CUL3: variants seen among roughly 807,000 people sequenced by gnomAD.
The protein encoded by CUL3 is cullin 3, also known as cullin-3.
Under a neutral mutation model 89.1 loss-of-function variants are expected in CUL3, and 19 were observed. The observed-to-expected ratio is 0.21, with a 90% CI of 0.15 to 0.31. The LOEUF (loss-of-function observed/expected upper bound fraction) is 0.31. Ranked by LOEUF, CUL3 falls within the 10% of genes least tolerant of loss-of-function variation. CUL3 has a pLI of 1.00. For missense variants in CUL3, 469 were observed against 942.3 expected (o/e 0.50, Z 6.58); for synonymous variants, 351 against 308.4 (o/e 1.14, Z -1.45).
At chr2:224,474,635 C>A in intron 15 of CUL3, 1 of 357,368 alleles carries the variant, frequency 2.8e-6, no homozygotes, top group East Asian at 5.0e-5. Flanking sequence ...GTAGTGTGAG[C>A]ATATGCCACC....
intron 3 of CUL3, among the ~76,000 whole-genome samples, chr2:224,527,432 C>A (rs952947012): frequency 6.6e-6 from 1 of 152,174 alleles, no homozygotes; most frequent in Admixed American, 6.6e-5. Context: ...AAATTCTCCA[C>A]GGTAGCTTTA....
intron 13 of CUL3, chr2:224,495,595 A>G: frequency 3.4e-6 from 1 of 295,922 alleles, no homozygotes; most frequent in South Asian, 7.1e-5. Context: ...AAACTCATCA[A>G]ATTGTCTACT....
At chr2:224,483,473 T>TA (rs1229531455) in intron 13 of CUL3, among the ~76,000 whole-genome samples, 5 of 152,170 alleles carry the variant, frequency 3.3e-5, no homozygotes, top group Admixed American at 3.3e-4. Context: ...ATCTTTCTAT[T>TA]AGAGTTAGGA....
chr2:224,585,186 G>A lies in CUL3; in HGVS notation c.-177C>T, dbSNP rs1695554260. The A allele has an allele frequency of 7.0e-6, 2 of 284,678 alleles. No homozygotes were observed. The highest frequency in any genetic ancestry group is 1.4e-4 in the South Asian group (1 of 7,186). The allele number at this position is 284,678 out of a possible 1,614,324, so 17.6% of individuals were successfully genotyped here. A position where few individuals can be genotyped will look rare whatever the true frequency, so the allele number is the denominator to read the frequency against. ...CCGCGGCGGCGGCGGGGGCGGCGGC[G>A]GCGGCGGCGGCGGCTCGGACTCTGG... On this transcript the variant is annotated 5_prime_UTR_variant, in exon 1 of 16. Coordinates refer to ENST00000264414, the MANE Select transcript of CUL3 (RefSeq NM_003590.5).
intron 3 of CUL3, among the ~76,000 whole-genome samples, chr2:224,529,324 A>C (rs1693599935): frequency 6.6e-6 from 1 of 152,172 alleles, no homozygotes; most frequent in African/African-American, 2.4e-5. Context: ...TTCTTTAATA[A>C]AAGAATGAAT....
chr2:224,517,808 T>G (rs528836629), intron 3 of CUL3, among the ~76,000 whole-genome samples: 152 of 152,318 alleles, frequency 1.0e-3, no homozygotes, highest in African/African-American at 3.5e-3. Context: ...GATTTTTTTT[T>G]ACTATTTTCA....
At chr2:224,487,046 C>T (rs1559340452) in intron 13 of CUL3, among the ~76,000 whole-genome samples, 1 of 152,238 alleles carries the variant, frequency 6.6e-6, no homozygotes, top group East Asian at 1.9e-4. Flanking sequence ...GAAATACAAT[C>T]CTTTACAGAC....
intron 2 of CUL3, among the ~76,000 whole-genome samples, chr2:224,536,875 C>T (rs928286201): frequency 6.6e-6 from 1 of 152,196 alleles, no homozygotes; most frequent in Non-Finnish European, 1.5e-5. Flanking sequence ...ACAAAGTCGT[C>T]GTGTGTTTGT....
intron 3 of CUL3, among the ~76,000 whole-genome samples, chr2:224,518,579 T>C (rs1465597244): frequency 3.3e-5 from 5 of 152,192 alleles, no homozygotes; most frequent in African/African-American, 1.2e-4. Context: ...AAACCTCTAA[T>C]AGTAAGAATA....
chr2:224,558,811 G>A (rs1012365931), intron 1 of CUL3, among the ~76,000 whole-genome samples: 4 of 152,244 alleles, frequency 2.6e-5, no homozygotes, highest in South Asian at 2.1e-4. Flanking sequence ...GGGAGGCCGA[G>A]GCGGGCGGAT....
intron 1 of CUL3, among the ~76,000 whole-genome samples, chr2:224,567,197 A>G (rs1695062279): frequency 6.6e-6 from 1 of 152,180 alleles, no homozygotes; most frequent in Admixed American, 6.5e-5. Flanking sequence ...GAAGATGATT[A>G]GTCACAAGGT....
In CUL3 at chr2:224,472,343, CAT is replaced by C. The variant is rs1422465389; in HGVS notation, c.*1900_*1901del. 1 of 210,520 alleles carries C rather than the reference CAT, an allele frequency of 4.8e-6. No individual in the cohort carries two copies. Among genetic ancestry groups the C allele is most frequent in the Non-Finnish European group, 9.6e-6 (1 of 103,818 alleles). 13.0% of individuals were successfully genotyped at this position (210,520 alleles called of 1,614,324 possible). A position where few individuals can be genotyped will look rare whatever the true frequency, so the allele number is the denominator to read the frequency against. On this transcript the variant is annotated 3_prime_UTR_variant, in exon 16 of 16. Coordinates refer to ENST00000264414, the MANE Select transcript of CUL3 (RefSeq NM_003590.5). ...TTTCAAATAAAGTTTTTACATCGCT[CAT>C]GTTTACTAACTCGACAATCTGAGCT...
intron 1 of CUL3, among the ~76,000 whole-genome samples, chr2:224,564,984 T>G (rs565651915): frequency 7.2e-5 from 11 of 152,342 alleles, no homozygotes; most frequent in African/African-American, 1.9e-4. Flanking sequence ...CAAGTACTAC[T>G]GACATTAACC....
At chr2:224,499,265 A>C (rs910849969) in intron 11 of CUL3, 1 of 155,838 alleles carries the variant, frequency 6.4e-6, no homozygotes, top group South Asian at 2.0e-4. Flanking sequence ...ATAAGTACCA[A>C]TGAATTTTTT....
At chr2:224,474,605 T>C (rs751722012) in intron 15 of CUL3, 24 of 443,830 alleles carry the variant, frequency 5.4e-5, no homozygotes, top group Middle Eastern at 1.2e-3. Context: ...AGTTGAATAA[T>C]TGAATTAGTT....
At position 224,485,551 on chromosome 2, in the gene CUL3, C is replaced by A. The variant is rs1691684451; in HGVS notation, c.1843-3473G>T. Among the ~76,000 whole-genome samples the A allele has an allele frequency of 6.6e-6, 1 of 152,196 alleles. No homozygotes were observed. Among genetic ancestry groups the A allele is most frequent in the Non-Finnish European group, 1.5e-5 (1 of 68,036 alleles). On this transcript the variant is annotated intron_variant, in intron 13 of 15. Transcript: ENST00000264414. The surrounding 1 kb of genome is among the most constrained non-coding windows in gnomAD (Gnocchi z 4.1). ...TGGCAAAGCTGCTGTGGCCAAACTG[C>A]CTCTCTAGATTCCTCTTGACTGGGC...
intron 13 of CUL3, 82 bp from the exon 14 acceptor site, chr2:224,482,160 A>T: frequency 1.0e-6 from 1 of 999,104 alleles, no homozygotes; most frequent in Non-Finnish European, 1.5e-6. Flanking sequence ...ACCAAGCAGT[A>T]GTTAAAAAGA....
chr2:224,542,106 T>C (rs1396411728), intron 2 of CUL3, among the ~76,000 whole-genome samples: 4 of 152,208 alleles, frequency 2.6e-5, no homozygotes, highest in Admixed American at 1.3e-4. Context: ...TATTTTATCA[T>C]AAACATAAGC....
rs1295153699 is a variant in CUL3 at position 224,585,117 on chromosome 2, G to A, written c.-108C>T. 4.7e-6 allele frequency: 4 copies of A among 842,362 alleles called. No individual in the cohort carries two copies. Among genetic ancestry groups the A allele is most frequent in the Non-Finnish European group, 6.4e-6 (4 of 626,516 alleles). The allele number at this position is 842,362 out of a possible 1,614,324, so 52.2% of individuals were successfully genotyped here. ...GGGCGACGCTGGGGGCGGCGGCGGC[G>A]CGACCCCCGGGCAGGGCTGGGGAGC... On this transcript the variant is annotated 5_prime_UTR_variant, in exon 1 of 16. Coordinates refer to ENST00000264414, the MANE Select transcript of CUL3 (RefSeq NM_003590.5).
Sources: gnomAD v4.1 joint callset for allele counts (sites outside exome capture counted in the v4.1 genomes callset) on GRCh38, gnomAD v4.1.1 for gene constraint, Gnocchi (gnomAD v3.1) non-coding constraint, MANE v1.5 for transcripts, NCBI Gene and HGNC (gene_info 2026-07-23, HGNC 2026-07-21) for gene names.